The following UGT1A5 variants were observed in gnomAD, a reference collection of about 807,000 sequenced individuals.
UGT1A5 encodes UDP glucuronosyltransferase family 1 member A5, also known as UDP-glucuronosyltransferase 1A5.
A neutral mutation model predicts 40.3 loss-of-function variants in UGT1A5; 29 were observed. That is an observed-to-expected ratio of 0.72 (90% confidence interval 0.54 to 0.98). The LOEUF is 0.98. Among genes scored for constraint, UGT1A5 ranks in the 50% least tolerant of loss-of-function variants. The pLI is 0.00. For missense variants in UGT1A5, 678 were observed against 677.9 expected, an observed-to-expected ratio of 1.00 and a Z score of 0.00; for synonymous variants, 257 against 262.5, an observed-to-expected ratio of 0.98 and a Z score of 0.20.
rs201446096 is a variant in UGT1A5, at chr2:233,743,635, G to A, written c.868-23399G>A. On this transcript the variant is annotated intron_variant, in intron 1 of 4. Transcript: ENST00000373414. ...ACTCCCTGAAGACGTCGGCTGGGTC[G>A]CGGAAGCTGAAGACGTACTCGAAGG... 1.1e-3 allele frequency: 1,545 copies of A among 1,367,290 alleles called. 32 individuals are homozygous for A. In the South Asian group the frequency reaches 0.016, roughly 14 times the overall value. 84.7% of individuals were successfully genotyped at this position (1,367,290 alleles called of 1,614,324 possible).
intron 1 of UGT1A5, chr2:233,747,324 T>G: frequency 1.2e-6 from 2 of 1,603,244 alleles, no homozygotes; most frequent in Non-Finnish European, 1.7e-6. Context: ...TACCCATTGA[T>G]GGCAGCCACT....
At chr2:233,752,762 C>CA (rs1695055217) in intron 1 of UGT1A5, among the ~76,000 whole-genome samples, 1 of 152,222 alleles carries the variant, frequency 6.6e-6, no homozygotes, top group Non-Finnish European at 1.5e-5. Flanking sequence ...AACAAACAAA[C>CA]AAACAAACAA....
At chr2:233,738,669 A>C (rs1295571840) in intron 1 of UGT1A5, among the ~76,000 whole-genome samples, 2 of 152,218 alleles carry the variant, frequency 1.3e-5, no homozygotes, top group African/African-American at 4.8e-5. Context: ...CTTGAGAGAG[A>C]TGATCTGAAA....
chr2:233,743,620 G>A (rs1195950260), intron 1 of UGT1A5: 2 of 1,367,320 alleles, frequency 1.5e-6, no homozygotes, highest in Non-Finnish European at 2.0e-6. Flanking sequence ...ACTCCCTGAA[G>A]ACGTCGGCTG....
intron 1 of UGT1A5, among the ~76,000 whole-genome samples, chr2:233,750,063 C>T (rs556183809): frequency 6.6e-6 from 1 of 151,926 alleles, no homozygotes; most frequent in South Asian, 2.1e-4. Flanking sequence ...GACTTTGGAA[C>T]TGGGTAACAG....
In UGT1A5 at chr2:233,716,496, CA is replaced by C. The variant is rs1188662406; in HGVS notation, c.867+2639del. On this transcript the variant is annotated intron_variant, in intron 1 of 4. Transcript: ENST00000373414. Reference sequence around the variant, plus strand: ...CTGTCCTCCGTAGTCTTCTATTCTCCAGGCTTCAGAGCTCTCAGCTTACCAT... The same window carrying C: ...CTGTCCTCCGTAGTCTTCTATTCTCCGGCTTCAGAGCTCTCAGCTTACCAT... Among the ~76,000 whole-genome samples the C allele has an allele frequency of 2.0e-5, 3 of 152,150 alleles. No individual in the cohort carries two copies. In the East Asian group the frequency reaches 5.8e-4, roughly 29 times the overall value.
intron 1 of UGT1A5, among the ~76,000 whole-genome samples, chr2:233,759,178 G>A (rs1697077752): frequency 6.6e-6 from 1 of 152,148 alleles, no homozygotes; most frequent in South Asian, 2.1e-4. Context: ...AGGTTTCACG[G>A]CAAAAAGTTC....
At chr2:233,731,885 AT>A (rs2078216460) in intron 1 of UGT1A5, among the ~76,000 whole-genome samples, 2 of 152,268 alleles carry the variant, frequency 1.3e-5, no homozygotes, top group South Asian at 2.1e-4. Context: ...GGTTGAACTA[AT>A]TTACACTCCC....
rs1447098381 is a variant in UGT1A5 at position 233,718,854 on chromosome 2, C to G, written c.867+4996C>G. 1.9e-6 allele frequency: 3 copies of G among 1,613,744 alleles called. 1 individual carries two copies. Among genetic ancestry groups the G allele is most frequent in the South Asian group, 2.2e-5 (2 of 91,050 alleles). On this transcript the variant is annotated intron_variant, in intron 1 of 4. Transcript: ENST00000373414. ...AGGACTCCAGGTTCCCCTGCCGCGG[C>G]TGGCCACAGGACTGCTGCTCCTCCT...
At chr2:233,738,152 A>T (rs1172003617) in intron 1 of UGT1A5, among the ~76,000 whole-genome samples, 1 of 152,050 alleles carries the variant, frequency 6.6e-6, no homozygotes, top group African/African-American at 2.4e-5. Flanking sequence ...CTTGCAAGCT[A>T]TTCCTCTTTC....
intron 1 of UGT1A5, among the ~76,000 whole-genome samples, chr2:233,740,045 T>C (rs374549434): frequency 3.3e-5 from 5 of 151,842 alleles, no homozygotes; most frequent in African/African-American, 1.2e-4. Context: ...AGGGACTCTT[T>C]CTCCTTTACT....
At chr2:233,737,433 A>G (rs1419343847) in intron 1 of UGT1A5, among the ~76,000 whole-genome samples, 1 of 152,146 alleles carries the variant, frequency 6.6e-6, no homozygotes, top group Non-Finnish European at 1.5e-5. Context: ...TTTGGGTGGG[A>G]GTGTCCCGTT....
intron 1 of UGT1A5, among the ~76,000 whole-genome samples, chr2:233,757,174 C>T (rs1696427708): frequency 6.6e-6 from 1 of 151,088 alleles, no homozygotes; most frequent in Non-Finnish European, 1.5e-5. Context: ...GTTTTGAGAG[C>T]AAGGCAGAGG....
rs1159047004 is a variant in UGT1A5, at chr2:233,755,329, C to T, written c.868-11705C>T. ...CAGCGAGCGGCAAGGCTGCCAGCAC[C>T]CGCGCACAGGTCAGAGGCTTGGCGA... On this transcript the variant is annotated intron_variant, in intron 1 of 4. Coordinates refer to ENST00000373414, the MANE Select transcript of UGT1A5 (RefSeq NM_019078.2). The T allele has an allele frequency of 1.7e-5, 8 of 468,526 alleles. No individual in the cohort carries two copies. The Admixed American group carries it at 2.8e-4, about 16-fold the overall frequency. 29.0% of individuals were successfully genotyped at this position (468,526 alleles called of 1,614,324 possible).
chr2:233,719,768 T>C, intron 1 of UGT1A5: 1 of 1,611,854 alleles, frequency 6.2e-7, no homozygotes. Flanking sequence ...AGTGCTTCCA[T>C]ATCTACTTAT....
intron 1 of UGT1A5, among the ~76,000 whole-genome samples, chr2:233,721,048 T>A (rs1417218537): frequency 6.6e-6 from 1 of 152,110 alleles, no homozygotes. Flanking sequence ...TGAGCCCTTT[T>A]TTGTCATATT....
chr2:233,718,616 C>A (rs573810131), intron 1 of UGT1A5: 11 of 858,600 alleles, frequency 1.3e-5, no homozygotes, highest in South Asian at 5.3e-5. Context: ...TCAAGATAGG[C>A]GTGATTGGTC....
intron 4 of UGT1A5, 33 bp downstream of exon 4, chr2:233,768,472 C>A: frequency 6.3e-7 from 1 of 1,596,838 alleles, no homozygotes; most frequent in South Asian, 1.1e-5. Flanking sequence ...ATACTTTGGT[C>A]ATGGCATTCA....
chr2:233,730,030 G>T (rs1248063013), intron 1 of UGT1A5: 4 of 1,613,378 alleles, frequency 2.5e-6, no homozygotes, highest in Non-Finnish European at 3.4e-6. Flanking sequence ...AATGTTCCAG[G>T]CAAAACACTT....
Sources: gnomAD v4.1 joint callset for allele counts (sites outside exome capture counted in the v4.1 genomes callset) on GRCh38, gnomAD v4.1.1 for gene constraint, MANE v1.5 for transcripts, NCBI Gene and HGNC (gene_info 2026-07-23, HGNC 2026-07-21) for gene names.